Variants in RBMS3 observed in about 807,000 individuals in gnomAD.
RBMS3 encodes RNA binding motif single stranded interacting protein 3.
In RBMS3, 27 loss-of-function variants were observed where a neutral mutation model predicts 66.8. The ratio of observed to expected loss-of-function variants is 0.40; its 90% confidence interval spans 0.30 to 0.56. RBMS3 has a LOEUF of 0.56. RBMS3 is among the 20% of genes least tolerant of loss of function. RBMS3 has a pLI of 0.40. For synonymous variants in RBMS3, 188 were observed against 183.0 expected (o/e 1.03, Z -0.22); for missense variants, 513 against 549.5 (o/e 0.93, Z 0.66).
At chr3:29,753,454 T>C (rs1427696961) in intron 5 of RBMS3, among the ~76,000 whole-genome samples, 1 of 152,214 alleles carries the variant, frequency 6.6e-6, no homozygotes, top group African/African-American at 2.4e-5. Flanking sequence ...TGAGGGGAAG[T>C]GTTTCCTCCA....
At chr3:29,604,560 A>G (rs2048258108) in intron 4 of RBMS3, among the ~76,000 whole-genome samples, 1 of 151,954 alleles carries the variant, frequency 6.6e-6, no homozygotes, top group South Asian at 2.1e-4. Flanking sequence ...TCTCCTTCAG[A>G]GGCTAGGCAA....
intron 1 of RBMS3, among the ~76,000 whole-genome samples, chr3:29,333,331 C>T (rs1257314834): frequency 6.6e-6 from 1 of 152,098 alleles, no homozygotes; most frequent in African/African-American, 2.4e-5. Flanking sequence ...AGTGCCCTCT[C>T]AAGGGTTTAT....
chr3:29,773,168 A>G (rs1271547065), intron 6 of RBMS3, among the ~76,000 whole-genome samples: 2 of 152,012 alleles, frequency 1.3e-5, no homozygotes, highest in East Asian at 3.9e-4. Context: ...TTAGATGATT[A>G]TATCTCAAGC....
intron 10 of RBMS3, among the ~76,000 whole-genome samples, chr3:29,907,411 T>C (rs1274541389): frequency 1.3e-5 from 2 of 152,184 alleles, no homozygotes; most frequent in Non-Finnish European, 2.9e-5. Flanking sequence ...CTTATCATAA[T>C]GGATATGCCA....
chr3:29,881,021 TC>T (rs34422454), intron 7 of RBMS3, among the ~76,000 whole-genome samples: 45,106 of 151,828 alleles, frequency 0.3, 7,111 homozygotes, highest in African/African-American at 0.39. Flanking sequence ...ACTCAGTAGC[TC>T]CCCCAAGAGG....
chr3:29,732,356 T>C (rs187701936), intron 4 of RBMS3, among the ~76,000 whole-genome samples: 3 of 152,312 alleles, frequency 2.0e-5, no homozygotes, highest in Admixed American at 1.3e-4. Flanking sequence ...CTTCATCTGA[T>C]TGGGTGAGGG....
At chr3:29,983,165 C>T (rs943440840) in intron 12 of RBMS3, among the ~76,000 whole-genome samples, 1 of 151,656 alleles carries the variant, frequency 6.6e-6, no homozygotes, top group Non-Finnish European at 1.5e-5. Context: ...TATGTAATGC[C>T]CTTCTTTGTC....
At chr3:29,648,610 G>T (rs377194121) in intron 4 of RBMS3, among the ~76,000 whole-genome samples, 2 of 151,876 alleles carry the variant, frequency 1.3e-5, no homozygotes, top group Non-Finnish European at 2.9e-5. Flanking sequence ...ATGAACTCAC[G>T]GCTTATGTGA....
chr3:29,313,975 G>A (rs565769242), intron 1 of RBMS3, among the ~76,000 whole-genome samples: 2 of 151,714 alleles, frequency 1.3e-5, no homozygotes, highest in African/African-American at 4.8e-5. Flanking sequence ...AAATCTCCTT[G>A]CTGTTATTGC....
chr3:29,745,375 C>T (rs904048804), intron 5 of RBMS3, among the ~76,000 whole-genome samples: 1 of 152,068 alleles, frequency 6.6e-6, no homozygotes, highest in African/African-American at 2.4e-5. Context: ...ACAGTCAGCC[C>T]CACTACTGCA....
At chr3:29,285,115 G>C (rs1163799985) in intron 1 of RBMS3, among the ~76,000 whole-genome samples, 7 of 149,686 alleles carry the variant, frequency 4.7e-5, no homozygotes, top group African/African-American at 1.7e-4. Context: ...TTGATTAGTT[G>C]TAATCCAACA....
chr3:29,340,477 T>C (rs951869954), intron 1 of RBMS3, among the ~76,000 whole-genome samples: 3 of 152,198 alleles, frequency 2.0e-5, no homozygotes, highest in African/African-American at 7.2e-5. Context: ...GGACTTTGAA[T>C]ACCCTCTCTA....
At chr3:29,991,437 A>G in intron 14 of RBMS3, 2 of 572,598 alleles carry the variant, frequency 3.5e-6, no homozygotes, top group Admixed American at 3.4e-5. Flanking sequence ...CTGATTATCT[A>G]TGCATCTCTG....
chr3:29,686,166 C>A lies in RBMS3; in HGVS notation c.400-53554C>A, dbSNP rs185769421. ...CTCTGGCCAACGTAGGCTAACAGTT[C>A]TTTTCCCTTGAGTTTTCATTTGCTT... On this transcript the variant is annotated intron_variant, in intron 4 of 14. Coordinates refer to ENST00000383767, the MANE Select transcript of RBMS3 (RefSeq NM_001003793.3). Among the ~76,000 whole-genome samples the A allele has an allele frequency of 2.6e-5, 4 of 152,294 alleles. No individual in the cohort carries two copies. The East Asian group carries it at 7.7e-4, about 29-fold the overall frequency.
At chr3:29,378,255 G>A (rs933530935) in intron 1 of RBMS3, among the ~76,000 whole-genome samples, 1 of 152,070 alleles carries the variant, frequency 6.6e-6, no homozygotes, top group Non-Finnish European at 1.5e-5. Context: ...GGTGGATCAC[G>A]AGGTCAGGAG....
intron 7 of RBMS3, among the ~76,000 whole-genome samples, chr3:29,877,593 T>A (rs1426884335): frequency 2.0e-5 from 3 of 152,174 alleles, no homozygotes; most frequent in Non-Finnish European, 4.4e-5. Flanking sequence ...ATGATCTTAT[T>A]TGTAGTTCAT....
chr3:29,798,325 GGAGGGGAGGGGAGGGGAGGGGAGGA>G (rs1213850548), intron 6 of RBMS3, among the ~76,000 whole-genome samples: 11 of 88,852 alleles, frequency 1.2e-4, no homozygotes, highest in African/African-American at 5.2e-4. Context: ...GGAAGGGAAG[GGAGGGGAGGGGAGGGGAGGGGAGGA>G]GAGGGGAGGG....
chr3:29,402,893 TCAG>T (rs2039872208), intron 1 of RBMS3, among the ~76,000 whole-genome samples: 1 of 151,892 alleles, frequency 6.6e-6, no homozygotes, highest in African/African-American at 2.4e-5. Context: ...ACAAAATAAC[TCAG>T]CAGTTCTAAA....
Position 29,463,824 on chromosome 3 carries a change from A to G in RBMS3, c.249-24617A>G, listed in dbSNP as rs143107325. 3.0e-4 allele frequency among the ~76,000 whole-genome samples: 46 copies of G among 152,186 alleles called. 1 individual carries two copies. The East Asian group carries it at 7.0e-3, about 23-fold the overall frequency. ...CCCCTAACCTAACCCCACACTACAT[A>G]CTACATTAAACTATCTTGTGGAAAT... On this transcript the variant is annotated intron_variant, in intron 2 of 14. Coordinates refer to ENST00000383767, the MANE Select transcript of RBMS3 (RefSeq NM_001003793.3).
Sources: gnomAD v4.1 joint callset for allele counts (sites outside exome capture counted in the v4.1 genomes callset) on GRCh38, gnomAD v4.1.1 for gene constraint, MANE v1.5 for transcripts, NCBI Gene and HGNC (gene_info 2026-07-23, HGNC 2026-07-21) for gene names.